SRR: variants seen among roughly 807,000 people sequenced by gnomAD.
SRR encodes D-serine ammonia-lyase.
Under a neutral mutation model 32.7 loss-of-function variants are expected in SRR, and 19 were observed. That is an observed-to-expected ratio of 0.58 (90% CI 0.40 to 0.85). The LOEUF (loss-of-function observed/expected upper bound fraction) is 0.85, where lower values mean the gene tolerates loss of function less well. SRR is among the 40% of genes least tolerant of loss of function. SRR has a pLI of 0.00. For missense variants in SRR, 373 were observed against 404.7 expected (o/e 0.92, Z 0.67); for synonymous variants, 142 against 140.9 (o/e 1.01, Z -0.06).
chr17:2,317,206 GGAAA>G (rs1181628446), intron 2 of SRR, among the ~76,000 whole-genome samples: 7 of 111,834 alleles, frequency 6.3e-5, no homozygotes, highest in Non-Finnish European at 8.7e-5. Flanking sequence ...CCATCTCGGG[GGAAA>G]AAAAAAAAAA....
chr17:2,307,654 G>A (rs540953403), intron 1 of SRR: 22 of 978,302 alleles, frequency 2.2e-5, no homozygotes, highest in South Asian at 9.0e-5. Flanking sequence ...ACCAAACCAC[G>A]AAACCAAGGT....
chr17:2,313,613 G>C (rs2075449275), intron 1 of SRR, among the ~76,000 whole-genome samples: 1 of 151,918 alleles, frequency 6.6e-6, no homozygotes, highest in Non-Finnish European at 1.5e-5. Flanking sequence ...GTGGGCGCCT[G>C]TAATGCCAGC....
intron 1 of SRR, among the ~76,000 whole-genome samples, chr17:2,310,509 G>A (rs2075425791): frequency 6.6e-6 from 1 of 151,934 alleles, no homozygotes; most frequent in Non-Finnish European, 1.5e-5. Context: ...ATCCTGCCAA[G>A]GGGGCATAAT....
At position 2,318,838 on chromosome 17, in the gene SRR, A is replaced by G; in HGVS notation, c.308A>G (p.Tyr103Cys). 1 of 1,612,994 alleles carries G rather than the reference A, an allele frequency of 6.2e-7. No individual in the cohort carries two copies. The highest frequency in any genetic ancestry group is 8.5e-7 in the Non-Finnish European group (1 of 1,179,376). Residue 103 changes from tyrosine to cysteine, a missense_variant, in exon 4 of 8, where the codon TAT (tyrosine) becomes TGT (cysteine). By Grantham distance (194) the Tyr-to-Cys change is radical. Transcript: ENST00000344595. ...YAAKLEGIPA[Y>C]IVVPQTAPDC... Reference sequence around the variant, plus strand: ...TTTCCTCTCCCAGGAATTCCTGCTTATATTGTGGTGCCCCAGACAGCTCCA... The same window carrying G: ...TTTCCTCTCCCAGGAATTCCTGCTTGTATTGTGGTGCCCCAGACAGCTCCA...
At chr17:2,307,206 C>T (rs2075397533) in intron 1 of SRR, 1 of 1,345,050 alleles carries the variant, frequency 7.4e-7, no homozygotes, top group Non-Finnish European at 1.1e-6. Context: ...GGGGCTTTGC[C>T]TTTGTAACCT....
At position 2,324,840 on chromosome 17, in the gene SRR, A is replaced by T; in HGVS notation, c.*967A>T. On this transcript the variant is annotated 3_prime_UTR_variant, in exon 8 of 8. Coordinates refer to ENST00000344595, the MANE Select transcript of SRR (RefSeq NM_021947.3). ...TGAGGCTGTGCATTCCTAAAGGACAAAAGCAAAGAAGCTATTTAGGAATTT... is the reference window on the plus strand; with the variant it reads ...TGAGGCTGTGCATTCCTAAAGGACATAAGCAAAGAAGCTATTTAGGAATTT... 6.2e-7 allele frequency: 1 copy of T among 1,601,086 alleles called. No individual in the cohort carries two copies.
At chr17:2,303,797 G>A (rs1369565822), upstream of SRR, 2 of 1,228,064 alleles carry the variant, frequency 1.6e-6, no homozygotes, top group East Asian at 3.1e-5. Context: ...GACGGGCGGC[G>A]CGCGCGCTCG....
chr17:2,316,837 C>T (rs1048782741), intron 2 of SRR, among the ~76,000 whole-genome samples: 3 of 151,548 alleles, frequency 2.0e-5, no homozygotes, highest in Non-Finnish European at 4.4e-5. Flanking sequence ...CTCAGCCACC[C>T]GATTACCTGG....
chr17:2,304,714 C>T (rs560549879), intron 1 of SRR, among the ~76,000 whole-genome samples: 27 of 151,480 alleles, frequency 1.8e-4, no homozygotes, highest in Non-Finnish European at 2.9e-4. Context: ...GAGATCGCGC[C>T]ACTGCACTCC....
Position 2,323,264 on chromosome 17 carries a change from A to G in SRR, c.723A>G (p.Lys241=), listed in dbSNP as rs1461043958. Residue 241 remains lysine, a synonymous_variant, in exon 7 of 8, where the codon AAA becomes AAG. Coordinates refer to ENST00000344595, the MANE Select transcript of SRR (RefSeq NM_021947.3). The part of the protein sequence containing the change: ...YPPETIADGV[K]SSIGLNTWPI... ...CAGAAACCATAGCAGATGGTGTCAA[A>G]TCCAGCATTGGCTTGAACACCTGGC... 4 of 1,614,220 alleles carry G rather than the reference A, an allele frequency of 2.5e-6. No homozygotes were observed. Among genetic ancestry groups the G allele is most frequent in the Non-Finnish European group, 3.4e-6 (4 of 1,180,022 alleles).
intron 1 of SRR, among the ~76,000 whole-genome samples, chr17:2,313,111 AAAG>A (rs1443893253): frequency 1.3e-5 from 2 of 152,184 alleles, no homozygotes; most frequent in African/African-American, 4.8e-5. Flanking sequence ...TATTTTTGTA[AAAG>A]AAGTACTATT....
rs771395142 is a variant in SRR, at chr17:2,324,565, C to T, written c.*692C>T. On this transcript the variant is annotated 3_prime_UTR_variant, in exon 8 of 8. Transcript: ENST00000344595. ...TCGTTCTCAGTTCCACTGGTTTAAA[C>T]CACAGCACATCCTCTTAGAATCAAA... 6.2e-7 allele frequency: 1 copy of T among 1,614,168 alleles called. No individual in the cohort carries two copies. Among genetic ancestry groups the T allele is most frequent in the Non-Finnish European group, 8.5e-7 (1 of 1,180,026 alleles).
In SRR at chr17:2,306,961, G is replaced by A. The variant is rs145392662; in HGVS notation, c.-5+2944G>A. On this transcript the variant is annotated intron_variant, in intron 1 of 7. Transcript: ENST00000344595. ...TGCCACATATGCCACTGAGGAGGAG[G>A]TGGATGCAGCCACGAATGCAAGGCC... 454 of 1,238,262 alleles carry A rather than the reference G, an allele frequency of 3.7e-4. 2 individuals carry two copies. The African/African-American group carries it at 5.8e-3, about 16-fold the overall frequency. The allele number at this position is 1,238,262 out of a possible 1,614,324, so 76.7% of individuals were successfully genotyped here.
Position 2,323,830 on chromosome 17 carries a change from A to G in SRR, c.980A>G (p.Lys327Arg). The change falls in exon 8 of 8, where the codon AAG becomes AGG. Residue 327 changes from lysine to arginine, a missense_variant. Physicochemically the swap from Lys to Arg is conservative, Grantham distance 26. Coordinates refer to ENST00000344595, the MANE Select transcript of SRR (RefSeq NM_021947.3). ...TTAACCTCCTCCATAACTTGGGTGA[A>G]GCAGGCTGAAAGGCCAGCTTCTTAT... Reference protein sequence around the residue: ...VDLTSSITWVKQAERPASYQS... With the variant: ...VDLTSSITWVRQAERPASYQS... The G allele has an allele frequency of 6.2e-7, 1 of 1,614,202 alleles. No homozygotes were observed. The highest frequency in any genetic ancestry group is 8.5e-7 in the Non-Finnish European group (1 of 1,180,038).
chr17:2,314,617 G>C (rs2075457352), intron 1 of SRR, among the ~76,000 whole-genome samples: 1 of 151,242 alleles, frequency 6.6e-6, no homozygotes, highest in Admixed American at 6.6e-5. Flanking sequence ...GCTGGGCATG[G>C]TGGTGCATGC....
intron 1 of SRR, among the ~76,000 whole-genome samples, chr17:2,305,843 G>A (rs1049563530): frequency 6.6e-6 from 1 of 151,788 alleles, no homozygotes; most frequent in African/African-American, 2.4e-5. Flanking sequence ...TATTACAGGC[G>A]CCCACCACCA....
intron 1 of SRR, among the ~76,000 whole-genome samples, chr17:2,312,748 C>T (rs2075442230): frequency 6.6e-6 from 1 of 152,116 alleles, no homozygotes; most frequent in Admixed American, 6.5e-5. Flanking sequence ...CAGTGGGTAT[C>T]AGATTTCTTA....
At chr17:2,322,772 TC>T (rs2075543272) in intron 6 of SRR, 1 of 240,968 alleles carries the variant, frequency 4.1e-6, no homozygotes, top group African/African-American at 2.3e-5. Flanking sequence ...CACCTCGGCC[TC>T]CCAAAGTGCT....
chr17:2,318,861 C>A lies in SRR; in HGVS notation c.331C>A (p.Pro111Thr), dbSNP rs1336837033. 2 of 1,613,756 alleles carry A rather than the reference C, an allele frequency of 1.2e-6. No individual in the cohort carries two copies. Among genetic ancestry groups the A allele is most frequent in the Non-Finnish European group, 1.7e-6 (2 of 1,179,878 alleles). ...TTATATTGTGGTGCCCCAGACAGCT[C>A]CAGACTGTAAAAAACTTGCAATACA... ...PAYIVVPQTAPDCKKLAIQAY... is the reference protein window; with the variant it reads ...PAYIVVPQTATDCKKLAIQAY... Residue 111 changes from proline (P) to threonine (T), a missense_variant, in exon 4 of 8, where the codon CCA becomes ACA. Pro to Thr is a conservative substitution (Grantham distance 38). Transcript: ENST00000344595.
Sources: allele counts gnomAD v4.1 joint callset (sites outside exome capture counted in the v4.1 genomes callset), GRCh38; gene constraint gnomAD v4.1.1; transcripts MANE v1.5; gene names NCBI Gene and HGNC (gene_info 2026-07-23, HGNC 2026-07-21).